TMEM181: variants seen among roughly 807,000 people sequenced by gnomAD.
The protein encoded by TMEM181 is G protein-coupled receptor 178.
TMEM181 carries 39 observed loss-of-function variants against 71.9 expected under a neutral mutation model. The observed-to-expected ratio is 0.54, with a 90% confidence interval of 0.42 to 0.71. TMEM181 has a LOEUF of 0.71. TMEM181 is among the 30% of genes least tolerant of loss of function. The pLI, the probability that TMEM181 is intolerant of heterozygous loss-of-function variation, is 0.00. For synonymous variants in TMEM181, 245 were observed against 228.8 expected (o/e 1.07, Z -0.64); for missense variants, 595 against 583.0 (o/e 1.02, Z -0.21).
At chr6:158,537,785 A>T (rs1403194430) in intron 1 of TMEM181, among the ~76,000 whole-genome samples, 1 of 152,158 alleles carries the variant, frequency 6.6e-6, no homozygotes, top group Non-Finnish European at 1.5e-5. Flanking sequence ...TCGCACTGCT[A>T]TGGGGAACGG....
intron 10 of TMEM181, chr6:158,621,611 C>A: frequency 6.4e-6 from 1 of 156,492 alleles, no homozygotes. Flanking sequence ...CTGGTGGTAC[C>A]TGACCTTGTG....
At chr6:158,573,651 C>T (rs1783003442) in intron 2 of TMEM181, 128 bp downstream of exon 2, 2 of 771,438 alleles carry the variant, frequency 2.6e-6, no homozygotes, top group Admixed American at 2.4e-5. Context: ...GAGAAGTGTC[C>T]ACAGGGTGGA....
chr6:158,560,332 G>A (rs1782084790), intron 1 of TMEM181, 100 bp downstream of exon 1: 1 of 984,634 alleles, frequency 1.0e-6, no homozygotes, highest in African/African-American at 1.7e-5. Context: ...AGGGTCCCTG[G>A]CGCCCACGTG....
intron 10 of TMEM181, among the ~76,000 whole-genome samples, chr6:158,617,339 T>A (rs1166381165): frequency 6.6e-6 from 1 of 152,208 alleles, no homozygotes; most frequent in Non-Finnish European, 1.5e-5. Context: ...ATCCCCTTCA[T>A]CATTTTTTAT....
chr6:158,594,099 CT>C (rs60295531), intron 6 of TMEM181, among the ~76,000 whole-genome samples: 31,216 of 112,758 alleles, frequency 0.28, 4,392 homozygotes, highest in East Asian at 0.56. Flanking sequence ...ATGGTTTTGC[CT>C]TTTTTTTTTT....
intron 10 of TMEM181, chr6:158,610,816 C>T (rs1785258564): frequency 1.6e-5 from 5 of 315,014 alleles, no homozygotes; most frequent in Non-Finnish European, 1.8e-5. Context: ...AGGCTTGGGG[C>T]TGCTGGTGCA....
chr6:158,568,995 G>A (rs1337878078), intron 1 of TMEM181, among the ~76,000 whole-genome samples: 1 of 152,106 alleles, frequency 6.6e-6, no homozygotes, highest in Non-Finnish European at 1.5e-5. Flanking sequence ...TAATTTTTTA[G>A]TGACAGGGTC....
intron 1 of TMEM181, among the ~76,000 whole-genome samples, chr6:158,538,859 G>A (rs1781234506): frequency 6.6e-6 from 1 of 152,186 alleles, no homozygotes; most frequent in African/African-American, 2.4e-5. Flanking sequence ...AGAGGAAGGA[G>A]TATTGCAAAG....
chr6:158,623,521 C>T lies in TMEM181; in HGVS notation c.897-29C>T, dbSNP rs547821540. 4.5e-5 allele frequency: 63 copies of T among 1,397,356 alleles called. 1 individual carries two copies. In the South Asian group the frequency reaches 7.3e-4, roughly 16 times the overall value. The allele number at this position is 1,397,356 out of a possible 1,614,324, so 86.6% of individuals were successfully genotyped here. A position where few individuals can be genotyped will look rare whatever the true frequency, so the allele number is the denominator to read the frequency against. ...ATAAAAAGTAAAGGTAGTTATTAAT[C>T]TATAATTATTTATAATGTCAATTTT... On this transcript the variant is annotated intron_variant, in intron 10 of 16. Transcript: ENST00000684151.
intron 1 of TMEM181, among the ~76,000 whole-genome samples, chr6:158,566,399 A>G (rs892817129): frequency 2.0e-5 from 3 of 151,774 alleles, no homozygotes; most frequent in Admixed American, 6.6e-5. Flanking sequence ...TCCCAGGATG[A>G]TGATGGTGAG....
Position 158,570,518 on chromosome 6 carries a change from G to A in TMEM181, c.9-2902G>A, listed in dbSNP as rs550001170. On this transcript the variant is annotated intron_variant, in intron 1 of 16. Coordinates refer to ENST00000684151, the MANE Select transcript of TMEM181 (RefSeq NM_001376852.1). Reference sequence around the variant, plus strand: ...GGCCTCCCAAAGTGCTGGGATTACAGGCATGAGCCACTGCGCCCGGCCCCG... The same window carrying A: ...GGCCTCCCAAAGTGCTGGGATTACAAGCATGAGCCACTGCGCCCGGCCCCG... Among the ~76,000 whole-genome samples, 3 of 152,240 alleles carry A rather than the reference G, an allele frequency of 2.0e-5. No individual in the cohort carries two copies. The East Asian group carries it at 5.8e-4, about 29-fold the overall frequency.
chr6:158,629,520 C>G (rs1316935352), intron 14 of TMEM181, among the ~76,000 whole-genome samples: 1 of 152,090 alleles, frequency 6.6e-6, no homozygotes, highest in African/African-American at 2.4e-5. Flanking sequence ...CATAGTTCAC[C>G]TGTTATTTAC....
chr6:158,543,352 A>G (rs754128496), intron 1 of TMEM181, among the ~76,000 whole-genome samples: 49 of 152,252 alleles, frequency 3.2e-4, no homozygotes, highest in Non-Finnish European at 6.6e-4. Context: ...AGAGGAGGAC[A>G]GGCCTCAAGT....
rs1489489251 is a variant in TMEM181, at chr6:158,633,109, T to C, written c.*1221T>C. 1 of 152,196 alleles carries C rather than the reference T, an allele frequency of 6.6e-6. No homozygotes were observed. The highest frequency in any genetic ancestry group is 2.4e-5 in the African/African-American group (1 of 41,444). The allele number at this position is 152,196 out of a possible 1,614,324, so 9.4% of individuals were successfully genotyped here. On this transcript the variant is annotated 3_prime_UTR_variant, in exon 17 of 17. Transcript: ENST00000684151. ...TACATGAAAGATTGATAGAATATTT[T>C]AGATTATTTATTGGCCAAAAGTTTT... is the stretch of plus-strand genomic sequence containing the variant.
chr6:158,627,940 G>A (rs1562316415), intron 13 of TMEM181, among the ~76,000 whole-genome samples: 1 of 152,128 alleles, frequency 6.6e-6, no homozygotes, highest in Non-Finnish European at 1.5e-5. Flanking sequence ...TGTTGCCTTC[G>A]CTGCTGTGCA....
upstream of TMEM181, chr6:158,559,988 C>T (rs1040030034): frequency 2.1e-6 from 2 of 937,494 alleles, no homozygotes; most frequent in Non-Finnish European, 2.5e-6. Flanking sequence ...GAAGGAGGGC[C>T]ACCCCCCTCG....
chr6:158,631,198 CATGGCAGCT>C (rs1786644828), intron 15 of TMEM181, 116 bp from the exon 16 acceptor site: 1 of 949,474 alleles, frequency 1.1e-6, no homozygotes, highest in Non-Finnish European at 1.7e-6. Flanking sequence ...TTTATACAGA[CATGGCAGCT>C]CTGCGATTTG....
At chr6:158,546,336 C>G (rs1294916515) in intron 1 of TMEM181, among the ~76,000 whole-genome samples, 1 of 152,190 alleles carries the variant, frequency 6.6e-6, no homozygotes, top group East Asian at 1.9e-4. Context: ...TCAGGGACAG[C>G]TAGAGGCATT....
intron 10 of TMEM181, among the ~76,000 whole-genome samples, chr6:158,616,392 G>T (rs574664093): frequency 2.1e-4 from 32 of 152,146 alleles, no homozygotes; most frequent in Non-Finnish European, 4.1e-4. Flanking sequence ...GGGCTGAGAC[G>T]ATGGGGTTTT....
Sources: gnomAD v4.1 joint callset for allele counts (sites outside exome capture counted in the v4.1 genomes callset) on GRCh38, gnomAD v4.1.1 for gene constraint, MANE v1.5 for transcripts, NCBI Gene and HGNC (gene_info 2026-07-23, HGNC 2026-07-21) for gene names.